Variants in XYLT1 observed in about 807,000 individuals in gnomAD.
The protein encoded by XYLT1 is beta-D-xylosyltransferase 1.
Under a neutral mutation model 91.3 loss-of-function variants are expected in XYLT1, and 36 were observed. That is an observed-to-expected ratio of 0.39 (90% confidence interval 0.30 to 0.52). The LOEUF (loss-of-function observed/expected upper bound fraction) is 0.52, where lower values mean the gene tolerates loss of function less well. Among genes scored for constraint, XYLT1 ranks in the 20% least tolerant of loss-of-function variants. XYLT1 has a pLI of 0.68. For synonymous variants in XYLT1, 588 were observed against 532.0 expected (o/e 1.11, Z -1.45); for missense variants, 1,242 against 1,284.5 (o/e 0.97, Z 0.51).
chr16:17,198,978 A>G (rs34762134), intron 4 of XYLT1, among the ~76,000 whole-genome samples: 3,154 of 152,290 alleles, frequency 0.021, 65 homozygotes, highest in Non-Finnish European at 0.034. Context: ...TCCTGACCTC[A>G]GGTGATCCGC....
At chr16:17,226,751 CCA>C (rs2033073427) in intron 3 of XYLT1, among the ~76,000 whole-genome samples, 1 of 152,172 alleles carries the variant, frequency 6.6e-6, no homozygotes, top group Non-Finnish European at 1.5e-5. Context: ...CCACTGTACT[CCA>C]GCCTGGATGA....
chr16:17,229,158 T>G (rs556616949), intron 3 of XYLT1, among the ~76,000 whole-genome samples: 1 of 152,180 alleles, frequency 6.6e-6, no homozygotes, highest in African/African-American at 2.4e-5. Flanking sequence ...TTTGTACAGA[T>G]CTGTTTGGTT....
intron 5 of XYLT1, among the ~76,000 whole-genome samples, chr16:17,175,608 C>T (rs2031925967): frequency 1.3e-5 from 2 of 152,176 alleles, no homozygotes; most frequent in African/African-American, 2.4e-5. Context: ...TGGACACCTG[C>T]AGAACTTACC....
At chr16:17,459,299 G>A (rs893919830) in intron 1 of XYLT1, among the ~76,000 whole-genome samples, 43 of 152,174 alleles carry the variant, frequency 2.8e-4, no homozygotes, top group African/African-American at 1.0e-3. Flanking sequence ...TTGAGCCTGC[G>A]AGGTCAAGGT....
intron 1 of XYLT1, among the ~76,000 whole-genome samples, chr16:17,450,846 G>A (rs1286026091): frequency 6.6e-6 from 1 of 152,180 alleles, no homozygotes; most frequent in African/African-American, 2.4e-5. Context: ...AAGCTGAGGG[G>A]AGTGTAAGAC....
intron 1 of XYLT1, among the ~76,000 whole-genome samples, chr16:17,368,448 G>A (rs549192511): frequency 6.6e-6 from 1 of 152,166 alleles, no homozygotes; most frequent in East Asian, 1.9e-4. Flanking sequence ...GCTATCATTG[G>A]TTAAGTCCTT....
At position 17,162,241 on chromosome 16, in the gene XYLT1, C is replaced by T. The variant is rs145360254; in HGVS notation, c.1290-3332G>A. On this transcript the variant is annotated intron_variant, in intron 5 of 11. Transcript: ENST00000261381. ...CGGCCAACATGATGAAACCCTGTCT[C>T]TACTAAAAATACAAACAAATTAGCC... 4.3e-3 allele frequency among the ~76,000 whole-genome samples: 661 copies of T among 152,062 alleles called. 2 individuals are homozygous for T. The highest frequency in any genetic ancestry group is 4.9e-3 in the Non-Finnish European group (334 of 67,994).
chr16:17,378,125 T>A (rs1355947699), intron 1 of XYLT1, among the ~76,000 whole-genome samples: 1 of 136,962 alleles, frequency 7.3e-6, no homozygotes, highest in Non-Finnish European at 1.7e-5. Flanking sequence ...CAATAAATGT[T>A]CGAGAATGAA....
chr16:17,257,073 C>A (rs551063860), intron 3 of XYLT1, among the ~76,000 whole-genome samples: 1 of 152,186 alleles, frequency 6.6e-6, no homozygotes, highest in Non-Finnish European at 1.5e-5. Context: ...CTTTTCCCTT[C>A]GGAGATAACA....
At chr16:17,325,983 G>C (rs1424393859) in intron 2 of XYLT1, among the ~76,000 whole-genome samples, 1 of 152,154 alleles carries the variant, frequency 6.6e-6, no homozygotes, top group Non-Finnish European at 1.5e-5. Context: ...CCATTATCCT[G>C]ATTGTTTTCA....
intron 2 of XYLT1, among the ~76,000 whole-genome samples, chr16:17,332,013 A>G (rs553221848): frequency 6.6e-6 from 1 of 152,322 alleles, no homozygotes; most frequent in Admixed American, 6.5e-5. Context: ...TTTAAACAAG[A>G]CAATCATATC....
intron 2 of XYLT1, among the ~76,000 whole-genome samples, chr16:17,264,043 ATTG>A (rs1428347435): frequency 6.6e-6 from 1 of 152,212 alleles, no homozygotes; most frequent in African/African-American, 2.4e-5. Flanking sequence ...AGTGTGTATT[ATTG>A]TTGACTATGC....
At chr16:17,223,564 C>T (rs2033010613) in intron 3 of XYLT1, among the ~76,000 whole-genome samples, 1 of 152,368 alleles carries the variant, frequency 6.6e-6, no homozygotes, top group East Asian at 1.9e-4. Flanking sequence ...TTTCCCTCTT[C>T]ACTGTCTGGG....
At chr16:17,136,419 G>A (rs1399416644) in intron 8 of XYLT1, among the ~76,000 whole-genome samples, 1 of 152,068 alleles carries the variant, frequency 6.6e-6, no homozygotes, top group East Asian at 1.9e-4. Flanking sequence ...TCTGTGGTGG[G>A]GAGCACAGCT....
intron 1 of XYLT1, among the ~76,000 whole-genome samples, chr16:17,376,905 G>C (rs531396969): frequency 1.3e-5 from 2 of 151,530 alleles, no homozygotes; most frequent in Non-Finnish European, 2.9e-5. Context: ...GGCCAGGTGT[G>C]GTGGCTCACA....
intron 1 of XYLT1, among the ~76,000 whole-genome samples, chr16:17,372,486 G>C (rs1038405076): frequency 6.6e-6 from 1 of 152,180 alleles, no homozygotes; most frequent in Non-Finnish European, 1.5e-5. Context: ...GAATACATTA[G>C]ATAGCTTCCA....
At chr16:17,199,919 G>C (rs528457483) in intron 4 of XYLT1, among the ~76,000 whole-genome samples, 1 of 152,078 alleles carries the variant, frequency 6.6e-6, no homozygotes, top group Non-Finnish European at 1.5e-5. Context: ...GTAGAGGGGA[G>C]AGGTAAGAAA....
At chr16:17,303,722 C>G (rs1193670509) in intron 2 of XYLT1, among the ~76,000 whole-genome samples, 2 of 152,156 alleles carry the variant, frequency 1.3e-5, no homozygotes, top group African/African-American at 4.8e-5. Flanking sequence ...AAAACACATT[C>G]AGCCTTTTCA....
intron 6 of XYLT1, among the ~76,000 whole-genome samples, chr16:17,154,723 G>T (rs9940419): frequency 0.049 from 7,483 of 152,174 alleles, 222 homozygotes; most frequent in East Asian, 0.15. Flanking sequence ...AAACAATCAG[G>T]ACCAATTTGG....
Sources: gnomAD v4.1 joint callset for allele counts (sites outside exome capture counted in the v4.1 genomes callset) on GRCh38, gnomAD v4.1.1 for gene constraint, MANE v1.5 for transcripts, NCBI Gene and HGNC (gene_info 2026-07-23, HGNC 2026-07-21) for gene names.